The following PACC1 variants were observed in gnomAD, a reference collection of about 807,000 sequenced individuals.
The protein encoded by PACC1 is proton activated chloride channel 1, also known as proton-activated chloride channel.
PACC1 carries 34 observed loss-of-function variants against 39.7 expected under a neutral mutation model. The observed-to-expected ratio is 0.86, with a 90% confidence interval of 0.65 to 1.14. The LOEUF (loss-of-function observed/expected upper bound fraction) is 1.14. PACC1 is among the 50% of genes most tolerant of loss of function. PACC1 has a pLI of 0.00. For synonymous variants in PACC1, 127 were observed against 160.6 expected (o/e 0.79, Z 1.58); for missense variants, 379 against 436.4 (o/e 0.87, Z 1.17).
intron 2 of PACC1, chr1:212,410,035 C>T (rs558483736): frequency 1.1e-4 from 22 of 196,668 alleles, no homozygotes; most frequent in Non-Finnish European, 1.9e-4. Flanking sequence ...TGGGACCCTG[C>T]TTACCCAACT....
chr1:212,391,026 C>T (rs935736223), intron 2 of PACC1, among the ~76,000 whole-genome samples: 1 of 152,216 alleles, frequency 6.6e-6, no homozygotes, highest in Non-Finnish European at 1.5e-5. Flanking sequence ...CAGGGCATAG[C>T]CGAACAAAAG....
In PACC1 at chr1:212,365,142, G is replaced by T; in HGVS notation, c.*73C>A. 2 of 1,482,514 alleles carry T rather than the reference G, an allele frequency of 1.3e-6. No homozygotes were observed. Among genetic ancestry groups the T allele is most frequent in the Non-Finnish European group, 9.2e-7 (1 of 1,088,978 alleles). 91.8% of individuals were successfully genotyped at this position (1,482,514 alleles called of 1,614,324 possible). On this transcript the variant is annotated 3_prime_UTR_variant, in exon 8 of 8. Coordinates refer to ENST00000261455, the MANE Select transcript of PACC1 (RefSeq NM_018252.3). ...TCAAGTGAGTACAGGATTGTTGATA[G>T]CTCCGTTTACAAAGTGGAAGTGATG...
chr1:212,383,029 T>A (rs185618898), intron 4 of PACC1, among the ~76,000 whole-genome samples: 16 of 152,326 alleles, frequency 1.1e-4, no homozygotes, highest in African/African-American at 3.8e-4. Context: ...GCTCTACTGC[T>A]CTCATCATAT....
chr1:212,399,758 G>T (rs1661648641), intron 2 of PACC1, among the ~76,000 whole-genome samples: 1 of 152,128 alleles, frequency 6.6e-6, no homozygotes, highest in South Asian at 2.1e-4. Flanking sequence ...CACCTAGGCT[G>T]GTCTAGAACT....
At chr1:212,370,782 C>T (rs1009006840) in intron 7 of PACC1, among the ~76,000 whole-genome samples, 4 of 152,036 alleles carry the variant, frequency 2.6e-5, no homozygotes, top group African/African-American at 4.8e-5. Flanking sequence ...CTATGAGATA[C>T]AGCAAAAGCA....
intron 2 of PACC1, among the ~76,000 whole-genome samples, chr1:212,391,897 AG>A (rs1661333684): frequency 6.6e-6 from 1 of 152,328 alleles, no homozygotes; most frequent in African/African-American, 2.4e-5. Flanking sequence ...AGAGAAAAAA[AG>A]AATTTAAAAA....
chr1:212,389,440 G>C (rs968602608), intron 2 of PACC1, among the ~76,000 whole-genome samples: 1 of 151,832 alleles, frequency 6.6e-6, no homozygotes, highest in African/African-American at 2.4e-5. Flanking sequence ...TTAACAATAT[G>C]CCAAGAAAAA....
In PACC1 at chr1:212,389,898, C is replaced by T. The variant is rs1571657328; in HGVS notation, c.134-2798G>A. On this transcript the variant is annotated intron_variant, in intron 2 of 7. Transcript: ENST00000261455. ...AAATGTTTCATAAAATTTAAAAAAA[C>T]AGATGGAAATTCCAGATCTGACAAG... Among the ~76,000 whole-genome samples, 3 of 151,862 alleles carry T rather than the reference C, an allele frequency of 2.0e-5. No individual in the cohort carries two copies. The East Asian group carries it at 5.8e-4, about 29-fold the overall frequency.
Position 212,375,253 on chromosome 1 carries a change from A to G in PACC1, c.831T>C (p.Ser277=). Residue 277 remains serine, a synonymous_variant, in exon 7 of 8, where the codon AGT becomes AGC. Coordinates refer to ENST00000261455, the MANE Select transcript of PACC1 (RefSeq NM_018252.3). ...CAAAGACCACAAAAAACAATTGAGC[A>G]CTTTTTTTGGCAGCTGGCCTCTGGT... ...YIDQRPAAKK[S]AQLFFVVFEW... is the part of the protein sequence containing the mutation. The G allele has an allele frequency of 1.9e-6, 3 of 1,614,042 alleles. No individual in the cohort carries two copies. Among genetic ancestry groups the G allele is most frequent in the South Asian group, 1.1e-5 (1 of 91,072 alleles).
chr1:212,377,638 A>C lies in PACC1; in HGVS notation c.707T>G (p.Phe236Cys). 6.2e-7 allele frequency: 1 copy of C among 1,614,146 alleles called. No homozygotes were observed. The highest frequency in any genetic ancestry group is 2.2e-5 in the East Asian group (1 of 44,888). Residue 236 changes from phenylalanine (F) to cysteine (C), a missense_variant, in exon 6 of 8, where the codon TTC becomes TGC. Physicochemically the swap from Phe to Cys is radical, Grantham distance 205. Transcript: ENST00000261455. Reference sequence around the variant, plus strand: ...CAGTGACATCTTGACCCAGGTGCGGAAGCCCCCAGAGAACTTCCAGCTGGA... The same window carrying C: ...CAGTGACATCTTGACCCAGGTGCGGCAGCCCCCAGAGAACTTCCAGCTGGA... Reference protein sequence around the residue: ...AYSSWKFSGGFRTWVKMSLVK... With the variant: ...AYSSWKFSGGCRTWVKMSLVK...
chr1:212,403,080 C>G (rs988216387), intron 2 of PACC1, among the ~76,000 whole-genome samples: 1 of 152,144 alleles, frequency 6.6e-6, no homozygotes, highest in African/African-American at 2.4e-5. Flanking sequence ...AGTTTGATTA[C>G]ATCTCTGATG....
chr1:212,369,484 G>A (rs1209406425), intron 7 of PACC1, among the ~76,000 whole-genome samples: 2 of 152,130 alleles, frequency 1.3e-5, no homozygotes, highest in South Asian at 2.1e-4. Context: ...TACACAGATT[G>A]AAAGTGAAGA....
intron 5 of PACC1, 44 bp from the exon 6 acceptor site, chr1:212,377,750 C>A: frequency 6.2e-7 from 1 of 1,606,494 alleles, no homozygotes; most frequent in South Asian, 1.1e-5. Context: ...CAATGCAGGT[C>A]TGGCAGCAGG....
Position 212,400,942 on chromosome 1 carries a change from G to C in PACC1, c.133+9483C>G, listed in dbSNP as rs1661687875. Among the ~76,000 whole-genome samples the C allele has an allele frequency of 2.0e-5, 3 of 152,300 alleles. No homozygotes were observed. In the South Asian group the frequency reaches 6.2e-4, roughly 32 times the overall value. On this transcript the variant is annotated intron_variant, in intron 2 of 7. Transcript: ENST00000261455. ...TCATGGAACCTCTATTTAGAGGAAG[G>C]GGGCTTGGTTGTCTGCCATAATCCT...
rs866728952 is a variant in PACC1 at position 212,364,472 on chromosome 1, C to T, written c.*743G>A. 2 of 152,458 alleles carry T rather than the reference C, an allele frequency of 1.3e-5. No individual in the cohort carries two copies. Among genetic ancestry groups the T allele is most frequent in the Admixed American group, 1.3e-4 (2 of 15,262 alleles). The allele number at this position is 152,458 out of a possible 1,614,324, so 9.4% of individuals were successfully genotyped here. On this transcript the variant is annotated 3_prime_UTR_variant, in exon 8 of 8. Coordinates refer to ENST00000261455, the MANE Select transcript of PACC1 (RefSeq NM_018252.3). ...GAGCAGATATTCATATTGTCACACTCGTTCCTTTTGTATTAACTTTTATTT... is the reference window on the plus strand; with the variant it reads ...GAGCAGATATTCATATTGTCACACTTGTTCCTTTTGTATTAACTTTTATTT...
At chr1:212,379,715 T>A (rs184207411) in intron 5 of PACC1, among the ~76,000 whole-genome samples, 180 bp downstream of exon 5, 2 of 152,306 alleles carry the variant, frequency 1.3e-5, no homozygotes, top group East Asian at 3.9e-4. Context: ...TGCTTAACTT[T>A]GTGATAAGAT....
intron 5 of PACC1, 135 bp downstream of exon 5, chr1:212,379,760 C>T: frequency 1.8e-6 from 2 of 1,099,558 alleles, no homozygotes; most frequent in Non-Finnish European, 2.6e-6. Context: ...GAGGTCCCTT[C>T]CTGGGCCAGT....
chr1:212,394,946 C>T (rs1035015946), intron 2 of PACC1, among the ~76,000 whole-genome samples: 22 of 152,278 alleles, frequency 1.4e-4, no homozygotes, highest in African/African-American at 5.3e-4. Context: ...AGGACACAAA[C>T]AAATGGAAGA....
At chr1:212,410,842 G>A (rs762270628) in intron 1 of PACC1, among the ~76,000 whole-genome samples, 20 of 152,306 alleles carry the variant, frequency 1.3e-4, no homozygotes, top group Non-Finnish European at 2.9e-4. Flanking sequence ...CTTCTTCTAC[G>A]AGTGGTGAGG....
Sources: allele counts gnomAD v4.1 joint callset (sites outside exome capture counted in the v4.1 genomes callset), GRCh38; gene constraint gnomAD v4.1.1; transcripts MANE v1.5; gene names NCBI Gene and HGNC (gene_info 2026-07-23, HGNC 2026-07-21).